The following AADACL4 variants were observed in gnomAD, a reference collection of about 807,000 sequenced individuals.
AADACL4 encodes arylacetamide deacetylase like 4, also known as arylacetamide deacetylase-like 4.
In AADACL4, 9 loss-of-function variants were observed where a neutral mutation model predicts 14.1. That is an observed-to-expected ratio of 0.64 (90% CI 0.39 to 1.12). The LOEUF (loss-of-function observed/expected upper bound fraction) is 1.12, where lower values mean the gene tolerates loss of function less well. AADACL4 is among the 50% of genes most tolerant of loss of function. The pLI is 0.01. For missense variants in AADACL4, 531 were observed against 516.1 expected, an observed-to-expected ratio of 1.03 and a Z score of -0.28; for synonymous variants, 188 against 201.6, an observed-to-expected ratio of 0.93 and a Z score of 0.57.
chr1:12,658,551 G>A (rs1647201925), intron 2 of AADACL4, among the ~76,000 whole-genome samples: 1 of 152,130 alleles, frequency 6.6e-6, no homozygotes, highest in African/African-American at 2.4e-5. Context: ...GAGCCACCAC[G>A]CGTGGCCTGG....
intron 1 of AADACL4, among the ~76,000 whole-genome samples, chr1:12,648,197 C>T (rs1647123196): frequency 6.6e-6 from 1 of 150,754 alleles, no homozygotes; most frequent in Admixed American, 6.6e-5. Flanking sequence ...GTCTTGATCT[C>T]CTGACCTTGT....
Position 12,666,779 on chromosome 1 carries a change from C to T in AADACL4, c.*44C>T, listed in dbSNP as rs1344654318. 1.3e-6 allele frequency: 2 copies of T among 1,524,408 alleles called. No homozygotes were observed. The highest frequency in any genetic ancestry group is 2.3e-5 in the East Asian group (1 of 44,296). The allele number at this position is 1,524,408 out of a possible 1,614,324, so 94.4% of individuals were successfully genotyped here. Reference sequence around the variant, plus strand: ...GAGGAGGAAGGGGCAAGTATGGACTCTACCAGAAACCGGGTGCTTTAGTGA... The same window carrying T: ...GAGGAGGAAGGGGCAAGTATGGACTTTACCAGAAACCGGGTGCTTTAGTGA... On this transcript the variant is annotated 3_prime_UTR_variant, in exon 4 of 4. Transcript: ENST00000376221.
In AADACL4 at chr1:12,644,476, C is replaced by A; in HGVS notation, c.-71C>A. 1.3e-6 allele frequency: 2 copies of A among 1,556,466 alleles called. No individual in the cohort carries two copies. The highest frequency in any genetic ancestry group is 2.4e-5 in the South Asian group (2 of 82,548). On this transcript the variant is annotated 5_prime_UTR_variant, in exon 1 of 4. Transcript: ENST00000376221. ...GGTGGAGGAGGCGGAGGGTGTAACC[C>A]AGCCAGGTCCTCTTCACATAAGCTA...
At chr1:12,654,111 A>G (rs1570429045) in intron 2 of AADACL4, among the ~76,000 whole-genome samples, 2 of 152,234 alleles carry the variant, frequency 1.3e-5, no homozygotes, top group Non-Finnish European at 2.9e-5. Context: ...GCAGAGAGAA[A>G]CCATCCATAA....
chr1:12,655,014 C>T (rs1350911205), intron 2 of AADACL4, among the ~76,000 whole-genome samples: 2 of 152,166 alleles, frequency 1.3e-5, no homozygotes, highest in Non-Finnish European at 2.9e-5. Context: ...CTCGGACACT[C>T]AGCCGGACTG....
chr1:12,666,122 A>G lies in AADACL4; in HGVS notation c.611A>G (p.Gln204Arg), dbSNP rs1647323324. ...GGTGCAGCGGTGGCCGCCATCACCCAGGCCTTGGTGGGCAGATCAGATCTT... is the reference window on the plus strand; with the variant it reads ...GGTGCAGCGGTGGCCGCCATCACCCGGGCCTTGGTGGGCAGATCAGATCTT... ...VGGAAVAAIT[Q>R]ALVGRSDLPR... The change falls in exon 4 of 4, where the codon CAG (glutamine) becomes CGG (arginine). Residue 204 changes from glutamine to arginine, a missense_variant. Transcript: ENST00000376221. 1 of 1,614,094 alleles carries G rather than the reference A, an allele frequency of 6.2e-7. No individual in the cohort carries two copies. Among genetic ancestry groups the G allele is most frequent in the Non-Finnish European group, 8.5e-7 (1 of 1,180,046 alleles).
chr1:12,648,840 A>G (rs1647128198), intron 1 of AADACL4, among the ~76,000 whole-genome samples: 1 of 152,168 alleles, frequency 6.6e-6, no homozygotes, highest in Non-Finnish European at 1.5e-5. Context: ...CAAAACCAAA[A>G]CAAAGTAACT....
chr1:12,666,089 G>A lies in AADACL4; in HGVS notation c.578G>A (p.Ser193Asn), dbSNP rs199817966. The change falls in exon 4 of 4, where the codon AGC (serine) becomes AAC (asparagine). Residue 193 changes from serine to asparagine, a missense_variant. Ser to Asn is a conservative substitution (Grantham distance 46, BLOSUM62 1). Coordinates refer to ENST00000376221, the MANE Select transcript of AADACL4 (RefSeq NM_001013630.2). ...DPSRVVVCGE[S>N]VGGAAVAAIT... ...TCCAGGGTTGTGGTCTGTGGAGAAA[G>A]CGTCGGAGGTGCAGCGGTGGCCGCC... The A allele has an allele frequency of 3.7e-6, 6 of 1,614,236 alleles. No homozygotes were observed. Among genetic ancestry groups the A allele is most frequent in the Non-Finnish European group, 3.4e-6 (4 of 1,180,040 alleles).
chr1:12,662,400 C>T (rs1539699), intron 3 of AADACL4, among the ~76,000 whole-genome samples: 31 of 151,940 alleles, frequency 2.0e-4, no homozygotes, highest in Non-Finnish European at 4.0e-4. Context: ...GAAGGTGATG[C>T]GCAAGATTCT....
chr1:12,663,945 C>T (rs1349942570), intron 3 of AADACL4, among the ~76,000 whole-genome samples: 3 of 152,236 alleles, frequency 2.0e-5, no homozygotes, highest in African/African-American at 7.2e-5. Flanking sequence ...TAATTGTTTC[C>T]TAGATGGGCA....
chr1:12,666,514 C>T lies in AADACL4; in HGVS notation c.1003C>T (p.Gln335Ter), dbSNP rs770347949. The change falls in exon 4 of 4, where the codon CAG (glutamine) becomes TAG (stop). Residue 335 changes from glutamine to a stop codon, truncating the protein, a stop_gained. Transcript: ENST00000376221. LOFTEE classifies it low-confidence loss of function (END_TRUNC). ...GATAGCAGATGATGAGGTCATCGCT[C>T]AGCTTCCTGAGGCCTTCCTGGTGAG... ...PLIADDEVIA[Q>*]LPEAFLVSCE... 1.9e-6 allele frequency: 3 copies of T among 1,614,198 alleles called. No homozygotes were observed. The highest frequency in any genetic ancestry group is 1.7e-6 in the Non-Finnish European group (2 of 1,180,050).
intron 2 of AADACL4, among the ~76,000 whole-genome samples, chr1:12,660,678 C>G (rs147169059): frequency 1.6e-3 from 238 of 152,180 alleles, no homozygotes; most frequent in African/African-American, 5.5e-3. Context: ...GAGTCTTGCT[C>G]TGTCACCCAG....
chr1:12,644,584 C>G lies in AADACL4; in HGVS notation c.38C>G (p.Pro13Arg). ...VPWLVLLLAL[P>R]IFFLGVFVWA... ...TGGCTAGTGCTACTCTTGGCATTGC[C>G]CATCTTTTTCCTGGGGGTCTTTGTC... The change falls in exon 1 of 4, where the codon CCC becomes CGC. Residue 13 changes from proline (P) to arginine (R), a missense_variant. By Grantham distance (103) the Pro-to-Arg change is moderately radical (BLOSUM62 -2). Coordinates refer to ENST00000376221, the MANE Select transcript of AADACL4 (RefSeq NM_001013630.2). 6.2e-7 allele frequency: 1 copy of G among 1,614,110 alleles called. No individual in the cohort carries two copies. The highest frequency in any genetic ancestry group is 8.5e-7 in the Non-Finnish European group (1 of 1,180,018).
At position 12,666,766 on chromosome 1, in the gene AADACL4, G is replaced by T. The variant is rs974109630; in HGVS notation, c.*31G>T. 3 of 1,561,210 alleles carry T rather than the reference G, an allele frequency of 1.9e-6. No individual in the cohort carries two copies. The highest frequency in any genetic ancestry group is 2.6e-6 in the Non-Finnish European group (3 of 1,159,300). On this transcript the variant is annotated 3_prime_UTR_variant, in exon 4 of 4. Transcript: ENST00000376221. The stretch of plus-strand genomic sequence containing the variant: ...ACCCTGGGGCCCCGAGGAGGAAGGG[G>T]CAAGTATGGACTCTACCAGAAACCG...
Position 12,651,293 on chromosome 1 carries a change from AG to A in AADACL4, c.341del (p.Gly114AlafsTer34), listed in dbSNP as rs760155779. 1.2e-6 allele frequency: 2 copies of A among 1,614,200 alleles called. No homozygotes were observed. The highest frequency in any genetic ancestry group is 1.7e-6 in the Non-Finnish European group (2 of 1,180,030). ...PKAASSRPRR[G>X]IIFYHGGATV... is the part of the protein sequence containing the mutation. ...AGGCAGCATCCTCCAGACCCCGGCG[AG>A]GCATCATCTTCTACCATGGAGGGGC... On this transcript the variant is annotated frameshift_variant, in exon 2 of 4. Coordinates refer to ENST00000376221, the MANE Select transcript of AADACL4 (RefSeq NM_001013630.2). LOFTEE classifies it high-confidence loss of function.
In AADACL4 at chr1:12,666,487, CT is replaced by C. The variant is rs1647335182; in HGVS notation, c.977del (p.Leu326ArgfsTer2). 3 of 1,614,198 alleles carry C rather than the reference CT, an allele frequency of 1.9e-6. No homozygotes were observed. Among genetic ancestry groups the C allele is most frequent in the Non-Finnish European group, 2.5e-6 (3 of 1,180,040 alleles). ...TATGCTGGATGTAGAAAATTCACCC[CT>C]GATAGCAGATGATGAGGTCATCGCT... ...KHMLDVENSP[L>X]IADDEVIAQL... On this transcript the variant is annotated frameshift_variant, in exon 4 of 4. Transcript: ENST00000376221. LOFTEE classifies it low-confidence loss of function (END_TRUNC).
chr1:12,651,659 A>G (rs2100760234), intron 2 of AADACL4, among the ~76,000 whole-genome samples: 1 of 151,780 alleles, frequency 6.6e-6, no homozygotes, highest in South Asian at 2.1e-4. Flanking sequence ...GCCCTGTCTC[A>G]TTTACAATGA....
intron 2 of AADACL4, among the ~76,000 whole-genome samples, chr1:12,660,579 C>T (rs1647218596): frequency 6.6e-6 from 1 of 152,090 alleles, no homozygotes; most frequent in East Asian, 1.9e-4. Flanking sequence ...CTTAAAATCA[C>T]CTGCGAATTT....
chr1:12,663,020 C>T (rs138516229), intron 3 of AADACL4, among the ~76,000 whole-genome samples: 9 of 152,138 alleles, frequency 5.9e-5, no homozygotes, highest in South Asian at 2.1e-4. Context: ...ACCTGGTGCA[C>T]GGGCCAGGGC....
Sources: allele counts gnomAD v4.1 joint callset (sites outside exome capture counted in the v4.1 genomes callset), GRCh38; gene constraint gnomAD v4.1.1; transcripts MANE v1.5; gene names NCBI Gene and HGNC (gene_info 2026-07-23, HGNC 2026-07-21).